Variants in GLIPR2 observed in about 807,000 individuals in gnomAD.
The protein encoded by GLIPR2 is Golgi-associated plant pathogenesis-related protein 1.
In GLIPR2, 21 loss-of-function variants were observed where a neutral mutation model predicts 20.4. The observed-to-expected ratio is 1.03, with a 90% CI of 0.73 to 1.48. GLIPR2 has a LOEUF of 1.48. GLIPR2 is among the 40% of genes most tolerant of loss of function. GLIPR2 has a pLI of 0.00. For missense variants in GLIPR2, 205 were observed against 200.1 expected (o/e 1.02, Z -0.15); for synonymous variants, 91 against 80.5 (o/e 1.13, Z -0.70).
chr9:36,150,794 C>A, intron 3 of GLIPR2, 78 bp from the exon 4 acceptor site: 1 of 1,033,280 alleles, frequency 9.7e-7, no homozygotes, highest in Non-Finnish European at 1.5e-6. Flanking sequence ...TGGCTTGGGG[C>A]TGATGGGAGA....
At chr9:36,138,138 A>T (rs1824911223) in intron 1 of GLIPR2, among the ~76,000 whole-genome samples, 1 of 152,216 alleles carries the variant, frequency 6.6e-6, no homozygotes, top group Non-Finnish European at 1.5e-5. Context: ...GATGAGAGCG[A>T]GTCTTTCGAG....
In GLIPR2 at chr9:36,162,406, G is replaced by A. The variant is rs749643384; in HGVS notation, c.349G>A (p.Val117Met). ...MVWKNTKKMG[V>M]GKASASDGSS... ...ATGGAAGAACACCAAGAAGATGGGC[G>A]TGGGGAAGGCGTCCGCAAGTGACGG... The change falls in exon 5 of 5, where the codon GTG (valine) becomes ATG (methionine). Residue 117 changes from valine (V) to methionine (M), a missense_variant. Val to Met is a conservative substitution (Grantham distance 21). Transcript: ENST00000377960. 8 of 1,614,112 alleles carry A rather than the reference G, an allele frequency of 5.0e-6. No homozygotes were observed. Among genetic ancestry groups the A allele is most frequent in the East Asian group, 2.2e-5 (1 of 44,892 alleles).
intron 1 of GLIPR2, among the ~76,000 whole-genome samples, chr9:36,138,250 G>A (rs975737340): frequency 6.6e-6 from 1 of 151,596 alleles, no homozygotes; most frequent in Non-Finnish European, 1.5e-5. Flanking sequence ...TCTGAGACGT[G>A]GTCTCCTTCT....
intron 1 of GLIPR2, among the ~76,000 whole-genome samples, chr9:36,143,728 T>C (rs1478177291): frequency 6.6e-6 from 1 of 152,198 alleles, no homozygotes; most frequent in African/African-American, 2.4e-5. Flanking sequence ...GTCCTCTGAC[T>C]CTCAGGCCTG....
Position 36,142,971 on chromosome 9 carries a change from C to T in GLIPR2, c.14-4815C>T, listed in dbSNP as rs1825153407. On this transcript the variant is annotated intron_variant, in intron 1 of 4. Coordinates refer to ENST00000377960, the MANE Select transcript of GLIPR2 (RefSeq NM_022343.4). ...GATTACCAGAAAGACCTCCTGGCCC[C>T]TTCCAGAGAACCCTGGCTCAGGAGC... is the stretch of plus-strand genomic sequence containing the variant. Among the ~76,000 whole-genome samples the T allele has an allele frequency of 2.6e-5, 4 of 152,154 alleles. No homozygotes were observed. In the South Asian group the frequency reaches 8.3e-4, roughly 31 times the overall value.
intron 4 of GLIPR2, among the ~76,000 whole-genome samples, chr9:36,160,673 T>C (rs1317282198): frequency 6.6e-6 from 1 of 152,174 alleles, no homozygotes; most frequent in African/African-American, 2.4e-5. Flanking sequence ...ACTTTCATTC[T>C]AAGTGCATTG....
At chr9:36,140,203 T>C (rs1248510712) in intron 1 of GLIPR2, among the ~76,000 whole-genome samples, 1 of 152,110 alleles carries the variant, frequency 6.6e-6, no homozygotes, top group African/African-American at 2.4e-5. Flanking sequence ...CACTGGGGAC[T>C]TCCACACACC....
Position 36,149,174 on chromosome 9 carries a change from C to T in GLIPR2, c.226+524C>T, listed in dbSNP as rs78700418. ...AAGACAATGTCTCCATGCAAGGTCT[C>T]GATCTGGAATGATCCCACCATGCTG... On this transcript the variant is annotated intron_variant, in intron 3 of 4. Coordinates refer to ENST00000377960, the MANE Select transcript of GLIPR2 (RefSeq NM_022343.4). 2.0e-3 allele frequency among the ~76,000 whole-genome samples: 301 copies of T among 152,356 alleles called. 1 individual carries two copies. Among genetic ancestry groups the T allele is most frequent in the African/African-American group, 6.5e-3 (272 of 41,590 alleles).
intron 3 of GLIPR2, among the ~76,000 whole-genome samples, chr9:36,150,451 A>G (rs926015109): frequency 6.6e-6 from 1 of 152,236 alleles, no homozygotes; most frequent in African/African-American, 2.4e-5. Context: ...GGATGTTTCA[A>G]GAGCTGCAAA....
Position 36,136,962 on chromosome 9 carries a change from G to A in GLIPR2, c.13+171G>A, listed in dbSNP as rs562395746. On this transcript the variant is annotated intron_variant, in intron 1 of 4. Coordinates refer to ENST00000377960, the MANE Select transcript of GLIPR2 (RefSeq NM_022343.4). This position sits in a 1 kb window ranked among gnomAD's most constrained non-coding sequence, Gnocchi z 4.3. ...GCGCGGTTTCCGGGGAACCCGGGGG[G>A]AAGGCGAGCCCGAGGGAGGCCCCCG... 3.8e-4 allele frequency: 292 copies of A among 775,586 alleles called. 1 individual carries two copies. Among genetic ancestry groups the A allele is most frequent in the Middle Eastern group, 1.3e-3 (3 of 2,306 alleles). 48.0% of individuals were successfully genotyped at this position (775,586 alleles called of 1,614,324 possible). A position where few individuals can be genotyped will look rare whatever the true frequency, so the allele number is the denominator to read the frequency against.
Position 36,136,836 on chromosome 9 carries a change from C to T in GLIPR2, c.13+45C>T, listed in dbSNP as rs952131707. Reference sequence around the variant, plus strand: ...CGCTGCGGAATGGTTCGGAACCCCGCGCTCCCGGACCTCGCCGTCTCCCTC... The same window carrying T: ...CGCTGCGGAATGGTTCGGAACCCCGTGCTCCCGGACCTCGCCGTCTCCCTC... On this transcript the variant is annotated intron_variant, in intron 1 of 4. Coordinates refer to ENST00000377960, the MANE Select transcript of GLIPR2 (RefSeq NM_022343.4). This position sits in a 1 kb window ranked among gnomAD's most constrained non-coding sequence, Gnocchi z 4.3. 3.2e-6 allele frequency: 4 copies of T among 1,269,120 alleles called. No homozygotes were observed. The highest frequency in any genetic ancestry group is 3.2e-5 in the East Asian group (1 of 31,672). 78.6% of individuals were successfully genotyped at this position (1,269,120 alleles called of 1,614,324 possible).
At chr9:36,143,781 G>A (rs1369025688) in intron 1 of GLIPR2, among the ~76,000 whole-genome samples, 2 of 152,150 alleles carry the variant, frequency 1.3e-5, no homozygotes, top group Non-Finnish European at 2.9e-5. Flanking sequence ...TCCTTCAGTG[G>A]TAGAGAGCTC....
chr9:36,152,952 CAAAAA>C (rs67296666), intron 4 of GLIPR2, among the ~76,000 whole-genome samples: 15 of 14,002 alleles, frequency 1.1e-3, no homozygotes, highest in South Asian at 4.2e-3. Context: ...ACTGAAAGTG[CAAAAA>C]AAAAAAAAAA....
At chr9:36,150,635 G>A (rs957436251) in intron 3 of GLIPR2, among the ~76,000 whole-genome samples, 1 of 152,164 alleles carries the variant, frequency 6.6e-6, no homozygotes, top group Non-Finnish European at 1.5e-5. Flanking sequence ...CAGATTCCCT[G>A]ACCCCAGGCC....
chr9:36,138,278 G>A (rs1462756133), intron 1 of GLIPR2, among the ~76,000 whole-genome samples: 1 of 151,924 alleles, frequency 6.6e-6, no homozygotes, highest in Non-Finnish European at 1.5e-5. Flanking sequence ...AGGCTGGAGT[G>A]CAGTGGTGCG....
At chr9:36,160,350 G>A (rs1826003631) in intron 4 of GLIPR2, among the ~76,000 whole-genome samples, 1 of 152,064 alleles carries the variant, frequency 6.6e-6, no homozygotes, top group African/African-American at 2.4e-5. Context: ...AAAATGATTC[G>A]GCAGTGGCGG....
chr9:36,158,742 G>A (rs1402056298), intron 4 of GLIPR2, among the ~76,000 whole-genome samples: 1 of 152,206 alleles, frequency 6.6e-6, no homozygotes, highest in East Asian at 1.9e-4. Flanking sequence ...AAGATGGAAG[G>A]GATGAACATC....
intron 3 of GLIPR2, among the ~76,000 whole-genome samples, chr9:36,149,459 AC>A (rs1305339445): frequency 6.6e-6 from 1 of 151,800 alleles, no homozygotes; most frequent in Non-Finnish European, 1.5e-5. Context: ...CTCCTGGGGA[AC>A]CCCCTACCCA....
At chr9:36,154,513 C>G (rs905454873) in intron 4 of GLIPR2, among the ~76,000 whole-genome samples, 4 of 152,130 alleles carry the variant, frequency 2.6e-5, no homozygotes, top group Non-Finnish European at 1.5e-5. Context: ...GCACATTATT[C>G]CCTTGCGAGG....
Sources: allele counts gnomAD v4.1 joint callset (sites outside exome capture counted in the v4.1 genomes callset), GRCh38; gene constraint gnomAD v4.1.1; non-coding constraint Gnocchi (gnomAD v3.1); transcripts MANE v1.5; gene names NCBI Gene and HGNC (gene_info 2026-07-23, HGNC 2026-07-21).